XKR6: variants seen among roughly 807,000 people sequenced by gnomAD.
The protein encoded by XKR6 is XK related 6.
XKR6 carries 22 observed loss-of-function variants against 56.7 expected under a neutral mutation model. The observed-to-expected ratio is 0.39, with a 90% CI of 0.28 to 0.55. The LOEUF is 0.55. Ranked by LOEUF, XKR6 falls within the 20% of genes least tolerant of loss-of-function variation. The probability of loss-of-function intolerance (pLI) is 0.66; values close to 1 mark genes in which losing one functional copy is unlikely to be tolerated. For synonymous variants in XKR6, 524 were observed against 387.8 expected (o/e 1.35, Z -4.13); for missense variants, 852 against 889.0 (o/e 0.96, Z 0.53).
At chr8:11,071,322 C>T (rs1489190711) in intron 1 of XKR6, among the ~76,000 whole-genome samples, 1 of 152,206 alleles carries the variant, frequency 6.6e-6, no homozygotes, top group African/African-American at 2.4e-5. Context: ...TCACTGCAAC[C>T]TCCACCTCCT....
intron 1 of XKR6, among the ~76,000 whole-genome samples, chr8:11,179,112 C>T (rs1218904056): frequency 1.3e-5 from 2 of 150,170 alleles, no homozygotes; most frequent in Non-Finnish European, 2.9e-5. Flanking sequence ...CCGCATCAGC[C>T]TCCCAAAGTG....
intron 1 of XKR6, among the ~76,000 whole-genome samples, chr8:11,050,641 A>T (rs1475214348): frequency 6.6e-6 from 1 of 152,144 alleles, no homozygotes; most frequent in Admixed American, 6.5e-5. Flanking sequence ...AAGAGAAAAG[A>T]AACTACTGGG....
At chr8:11,014,283 C>T (rs1798567253) in intron 1 of XKR6, among the ~76,000 whole-genome samples, 1 of 152,206 alleles carries the variant, frequency 6.6e-6, no homozygotes, top group African/African-American at 2.4e-5. Context: ...TGTAGCGGCC[C>T]TTAGCGCCCC....
At chr8:11,152,830 T>C (rs1334289260) in intron 1 of XKR6, among the ~76,000 whole-genome samples, 1 of 152,202 alleles carries the variant, frequency 6.6e-6, no homozygotes, top group Non-Finnish European at 1.5e-5. Context: ...ATCAAAATTC[T>C]GAATGATGAG....
chr8:11,145,948 T>A (rs1180517212), intron 1 of XKR6, among the ~76,000 whole-genome samples: 1 of 151,982 alleles, frequency 6.6e-6, no homozygotes, highest in East Asian at 1.9e-4. Context: ...GACTTTATAA[T>A]GAAAAACCTA....
At chr8:11,133,240 C>T (rs567458647) in intron 1 of XKR6, among the ~76,000 whole-genome samples, 1 of 152,046 alleles carries the variant, frequency 6.6e-6, no homozygotes, top group South Asian at 2.1e-4. Flanking sequence ...TGTTTGTAAC[C>T]AGCTAGAATC....
chr8:11,095,281 A>G (rs1458426093), intron 1 of XKR6, among the ~76,000 whole-genome samples: 1 of 152,256 alleles, frequency 6.6e-6, no homozygotes, highest in African/African-American at 2.4e-5. Flanking sequence ...TCTGCTATAT[A>G]TCAAACAGCA....
intron 1 of XKR6, among the ~76,000 whole-genome samples, chr8:11,057,157 T>C (rs1799705859): frequency 6.6e-6 from 1 of 152,176 alleles, no homozygotes; most frequent in Admixed American, 6.5e-5. Context: ...TCTTCATGGA[T>C]CCTATTTGTC....
At chr8:11,160,482 G>C (rs1215326474) in intron 1 of XKR6, among the ~76,000 whole-genome samples, 2 of 152,162 alleles carry the variant, frequency 1.3e-5, no homozygotes, top group Non-Finnish European at 2.9e-5. Context: ...AGTTTAGAAG[G>C]AGGCATCATA....
intron 1 of XKR6, among the ~76,000 whole-genome samples, chr8:10,985,628 CA>C (rs1039044917): frequency 2.0e-5 from 3 of 147,216 alleles, no homozygotes; most frequent in Non-Finnish European, 3.0e-5. Context: ...AGCAAAAAAA[CA>C]AAACAAAAAA....
At chr8:10,992,787 C>A (rs117820377) in intron 1 of XKR6, among the ~76,000 whole-genome samples, 1 of 152,254 alleles carries the variant, frequency 6.6e-6, no homozygotes, top group East Asian at 1.9e-4. Context: ...CTGCAACTGA[C>A]GCAGGAGATG....
At chr8:11,006,283 T>A (rs1412706085) in intron 1 of XKR6, among the ~76,000 whole-genome samples, 1 of 152,188 alleles carries the variant, frequency 6.6e-6, no homozygotes, top group Non-Finnish European at 1.5e-5. Flanking sequence ...AGTAGGACAC[T>A]GATTCCTTCA....
chr8:10,970,575 T>C (rs569239947), intron 1 of XKR6, among the ~76,000 whole-genome samples: 10 of 152,022 alleles, frequency 6.6e-5, no homozygotes, highest in African/African-American at 2.4e-4. Flanking sequence ...GAGGAAGACA[T>C]TGAGATGTCT....
intron 1 of XKR6, among the ~76,000 whole-genome samples, chr8:10,930,856 A>C (rs1231826621): frequency 6.6e-6 from 1 of 152,256 alleles, no homozygotes; most frequent in Non-Finnish European, 1.5e-5. Context: ...CTTTTGTCTT[A>C]AGATCAAGAA....
At chr8:10,902,152 C>T (rs1234037219) in intron 2 of XKR6, among the ~76,000 whole-genome samples, 1 of 152,232 alleles carries the variant, frequency 6.6e-6, no homozygotes, top group Non-Finnish European at 1.5e-5. Context: ...ACTGCACAGA[C>T]ATTCCTCAGT....
At chr8:11,049,014 G>A (rs540907616) in intron 1 of XKR6, among the ~76,000 whole-genome samples, 49 of 152,286 alleles carry the variant, frequency 3.2e-4, no homozygotes, top group Admixed American at 2.9e-3. Flanking sequence ...AAGACGAGTC[G>A]GAACAAGATC....
intron 1 of XKR6, among the ~76,000 whole-genome samples, chr8:10,929,003 G>C (rs2129118965): frequency 6.6e-6 from 1 of 152,282 alleles, no homozygotes; most frequent in Middle Eastern, 3.4e-3. Context: ...AAGAAAGCTG[G>C]GCCTGGTCTA....
chr8:11,000,253 G>A (rs1056884407), intron 1 of XKR6, among the ~76,000 whole-genome samples: 4 of 152,206 alleles, frequency 2.6e-5, no homozygotes, highest in African/African-American at 9.7e-5. Flanking sequence ...CAGGACAGGA[G>A]AGCCAAAGAG....
intron 1 of XKR6, among the ~76,000 whole-genome samples, chr8:11,118,488 C>G (rs1799287173): frequency 6.6e-6 from 1 of 152,148 alleles, no homozygotes; most frequent in South Asian, 2.1e-4. Flanking sequence ...ATTTCAGAGC[C>G]TGTTATTGGT....
Sources: allele counts gnomAD v4.1 joint callset (sites outside exome capture counted in the v4.1 genomes callset), GRCh38; gene constraint gnomAD v4.1.1; transcripts MANE v1.5; gene names NCBI Gene and HGNC (gene_info 2026-07-23, HGNC 2026-07-21).